Variants in TAPT1 observed in about 807,000 individuals in gnomAD.
TAPT1 encodes transmembrane anterior posterior transformation 1, also known as transmembrane anterior posterior transformation protein 1 homolog.
TAPT1 carries 28 observed loss-of-function variants against 65.6 expected under a neutral mutation model. The observed-to-expected ratio is 0.43, with a 90% CI of 0.32 to 0.59. TAPT1 has a LOEUF of 0.59. Among genes scored for constraint, TAPT1 ranks in the 20% least tolerant of loss-of-function variants. The pLI, the probability that TAPT1 is intolerant of heterozygous loss-of-function variation, is 0.09. For synonymous variants in TAPT1, 278 were observed against 245.2 expected (o/e 1.13, Z -1.25); for missense variants, 563 against 679.9 (o/e 0.83, Z 1.91).
intron 12 of TAPT1, among the ~76,000 whole-genome samples, chr4:16,167,111 A>G (rs948299632): frequency 8.8e-5 from 13 of 147,760 alleles, no homozygotes; most frequent in African/African-American, 2.8e-4. Context: ...TCTTGGCCTC[A>G]GCCTCCCAAG....
rs1467524657 is a variant in TAPT1 at position 16,161,956 on chromosome 4, C to G, written c.*1352G>C. 1 of 152,112 alleles carries G rather than the reference C, an allele frequency of 6.6e-6. No individual in the cohort carries two copies. Among genetic ancestry groups the G allele is most frequent in the Non-Finnish European group, 1.5e-5 (1 of 68,028 alleles). 9.4% of individuals were successfully genotyped at this position (152,112 alleles called of 1,614,324 possible). A position where few individuals can be genotyped will look rare whatever the true frequency, so the allele number is the denominator to read the frequency against. On this transcript the variant is annotated 3_prime_UTR_variant, in exon 14 of 14. Transcript: ENST00000405303. ...ACCATCTTCTGGACAGTTCTGACAC[C>G]AGAAGTTGTAGAAGTTTTACAGAAA...
chr4:16,194,144 C>T (rs1190610426), intron 3 of TAPT1, among the ~76,000 whole-genome samples: 2 of 152,168 alleles, frequency 1.3e-5, no homozygotes, highest in Non-Finnish European at 2.9e-5. Context: ...GAAATTAGAT[C>T]TACCAAACAT....
intron 13 of TAPT1, among the ~76,000 whole-genome samples, chr4:16,164,751 T>C (rs552795148): frequency 3.9e-5 from 6 of 152,208 alleles, no homozygotes; most frequent in Admixed American, 6.5e-5. Flanking sequence ...TTAACTAATA[T>C]GCGTAACAAG....
chr4:16,196,153 A>C (rs1206881841), intron 3 of TAPT1, among the ~76,000 whole-genome samples: 1 of 152,224 alleles, frequency 6.6e-6, no homozygotes, highest in Non-Finnish European at 1.5e-5. Context: ...TGAAATCAAG[A>C]TGTTTTCCTG....
intron 2 of TAPT1, among the ~76,000 whole-genome samples, chr4:16,210,635 A>C (rs1211386626): frequency 6.6e-6 from 1 of 152,254 alleles, no homozygotes; most frequent in Admixed American, 6.5e-5. Flanking sequence ...TGTGAAGCCA[A>C]GACTCAGAGT....
At chr4:16,226,584 C>A (rs1394599382), upstream of TAPT1, 7 of 631,098 alleles carry the variant, frequency 1.1e-5, no homozygotes, top group East Asian at 9.3e-4. Flanking sequence ...CATCCGCGGC[C>A]CGCCGACCGG....
chr4:16,200,174 C>T (rs1749948895), intron 3 of TAPT1, among the ~76,000 whole-genome samples: 1 of 152,154 alleles, frequency 6.6e-6, no homozygotes, highest in Non-Finnish European at 1.5e-5. Context: ...CCACATTGTG[C>T]CAACAGCCAC....
chr4:16,212,461 A>AT (rs1163370739), intron 2 of TAPT1, among the ~76,000 whole-genome samples: 1 of 152,140 alleles, frequency 6.6e-6, no homozygotes, highest in Non-Finnish European at 1.5e-5. Flanking sequence ...TTAATCTTTT[A>AT]TTTTTTTCCA....
At chr4:16,218,908 TATC>T (rs1257008172) in intron 1 of TAPT1, among the ~76,000 whole-genome samples, 2 of 152,190 alleles carry the variant, frequency 1.3e-5, no homozygotes, top group Non-Finnish European at 2.9e-5. Context: ...GTAAACATGT[TATC>T]ATACAACATA....
At chr4:16,212,581 GC>G (rs1379637424) in intron 2 of TAPT1, among the ~76,000 whole-genome samples, 2 of 152,168 alleles carry the variant, frequency 1.3e-5, no homozygotes, top group African/African-American at 4.8e-5. Context: ...GCTGTGGAGA[GC>G]CCTGCCCACT....
intron 11 of TAPT1, 67 bp from the exon 12 acceptor site, chr4:16,170,796 T>A: frequency 1.6e-6 from 2 of 1,215,702 alleles, no homozygotes; most frequent in Non-Finnish European, 2.4e-6. Flanking sequence ...AGTTATTAGT[T>A]AATACTTAAA....
intron 12 of TAPT1, among the ~76,000 whole-genome samples, chr4:16,168,104 T>C (rs1334133662): frequency 6.9e-6 from 1 of 144,000 alleles, no homozygotes; most frequent in East Asian, 2.0e-4. Flanking sequence ...TTATAACCAG[T>C]GAAGAAGTTG....
chr4:16,219,222 A>T (rs13133263), intron 1 of TAPT1, among the ~76,000 whole-genome samples: 110,470 of 151,862 alleles, frequency 0.73, 40,374 homozygotes, highest in Middle Eastern at 0.86. Context: ...ATGGCTAGAG[A>T]GTGTGCTTTT....
At chr4:16,205,006 C>T (rs778223702) in intron 2 of TAPT1, among the ~76,000 whole-genome samples, 4 of 152,172 alleles carry the variant, frequency 2.6e-5, no homozygotes, top group Non-Finnish European at 4.4e-5. Context: ...ACAACCTGCT[C>T]TTATCATATT....
chr4:16,225,793 CTG>C (rs1419388505), intron 1 of TAPT1: 19 of 736,414 alleles, frequency 2.6e-5, no homozygotes, highest in South Asian at 6.1e-5. Context: ...CGTCAGCTGT[CTG>C]TGAAAAATCT....
chr4:16,172,380 G>A (rs1324282485), intron 11 of TAPT1, among the ~76,000 whole-genome samples: 1 of 151,362 alleles, frequency 6.6e-6, no homozygotes, highest in East Asian at 1.9e-4. Context: ...TTCAGGCCTT[G>A]TAGGTTTATC....
chr4:16,177,442 GT>G (rs1398451523), intron 8 of TAPT1, among the ~76,000 whole-genome samples: 2 of 152,196 alleles, frequency 1.3e-5, no homozygotes, highest in Non-Finnish European at 2.9e-5. Flanking sequence ...TAGCCGGAAG[GT>G]GGGATGGAGA....
chr4:16,194,991 C>T (rs1749615821), intron 3 of TAPT1, among the ~76,000 whole-genome samples: 1 of 152,062 alleles, frequency 6.6e-6, no homozygotes, highest in South Asian at 2.1e-4. Flanking sequence ...CTCGGCCTCC[C>T]AAAGGGCTGG....
intron 1 of TAPT1, among the ~76,000 whole-genome samples, chr4:16,217,896 A>G (rs1431063228): frequency 6.6e-6 from 1 of 152,184 alleles, no homozygotes; most frequent in African/African-American, 2.4e-5. Flanking sequence ...CCCAACGGGT[A>G]CCTGAACCTC....
Sources: gnomAD v4.1 joint callset for allele counts (sites outside exome capture counted in the v4.1 genomes callset) on GRCh38, gnomAD v4.1.1 for gene constraint, MANE v1.5 for transcripts, NCBI Gene and HGNC (gene_info 2026-07-23, HGNC 2026-07-21) for gene names.